KIFAP3: variants seen among roughly 807,000 people sequenced by gnomAD.
KIFAP3 encodes the protein kinesin associated protein 3.
A neutral mutation model predicts 106.5 loss-of-function variants in KIFAP3; 68 were observed. The ratio of observed to expected loss-of-function variants is 0.64; its 90% CI spans 0.53 to 0.78. The LOEUF is 0.78. Ranked by LOEUF, KIFAP3 falls within the 30% of genes least tolerant of loss-of-function variation. The pLI is 0.00. For missense variants in KIFAP3, 780 were observed against 941.8 expected, an observed-to-expected ratio of 0.83 and a Z score of 2.25; for synonymous variants, 320 against 311.5, an observed-to-expected ratio of 1.03 and a Z score of -0.29.
In KIFAP3 at chr1:170,039,304, T is replaced by C. The variant is rs1669852642; in HGVS notation, c.320-16A>G. The C allele has an allele frequency of 2.0e-6, 3 of 1,517,364 alleles. No homozygotes were observed. The highest frequency in any genetic ancestry group is 2.3e-5 in the East Asian group (1 of 44,186). The allele number at this position is 1,517,364 out of a possible 1,614,324, so 94.0% of individuals were successfully genotyped here. On this transcript the variant is annotated splice_polypyrimidine_tract_variant and intron_variant, in intron 3 of 19. Coordinates refer to ENST00000361580, the MANE Select transcript of KIFAP3 (RefSeq NM_014970.4). ...TCTTTTTTCTCTGTAAAAAGATTTT[T>C]TTTTAATAAGGAGACTTAGGTTTTT...
chr1:170,016,606 C>G lies in KIFAP3; in HGVS notation c.1039G>C (p.Glu347Gln). ...CAAGGTATCATTTTCACCAGTTTTT[C>G]AACAATATCCATTTCCACCTAAGTA... Reference protein sequence around the residue: ...KNDMVEMDIVEKLVKMIPCEH... With the variant: ...KNDMVEMDIVQKLVKMIPCEH... The change falls in exon 10 of 20, where the codon GAA becomes CAA. Residue 347 changes from glutamate (E) to glutamine (Q), a missense_variant. Transcript: ENST00000361580. 1 of 1,586,210 alleles carries G rather than the reference C, an allele frequency of 6.3e-7. No homozygotes were observed. Among genetic ancestry groups the G allele is most frequent in the Non-Finnish European group, 8.6e-7 (1 of 1,169,584 alleles).
At chr1:170,045,203 C>G (rs1158721388) in intron 3 of KIFAP3, among the ~76,000 whole-genome samples, 2 of 152,108 alleles carry the variant, frequency 1.3e-5, no homozygotes, top group Non-Finnish European at 2.9e-5. Flanking sequence ...GAAAGACTAG[C>G]CTTCCATCTT....
intron 2 of KIFAP3, among the ~76,000 whole-genome samples, chr1:170,054,161 CA>C (rs1287371056): frequency 2.0e-5 from 3 of 152,132 alleles, no homozygotes; most frequent in Non-Finnish European, 4.4e-5. Flanking sequence ...AAAAAACAAA[CA>C]ACCCCTTCAA....
chr1:169,992,305 A>G (rs1441662977), intron 10 of KIFAP3, 50 bp from the exon 11 acceptor site: 4 of 921,624 alleles, frequency 4.3e-6, no homozygotes, highest in South Asian at 3.7e-5. Context: ...TATTTTTTAT[A>G]TAGCACACTC....
intron 3 of KIFAP3, among the ~76,000 whole-genome samples, chr1:170,046,501 A>G (rs954458506): frequency 6.6e-6 from 1 of 152,216 alleles, no homozygotes; most frequent in Admixed American, 6.5e-5. Flanking sequence ...AAAGAATTAG[A>G]CCATTTTATG....
In KIFAP3 at chr1:170,001,018, T is replaced by G. The variant is rs138808690; in HGVS notation, c.1184-8763A>C. On this transcript the variant is annotated intron_variant, in intron 10 of 19. Coordinates refer to ENST00000361580, the MANE Select transcript of KIFAP3 (RefSeq NM_014970.4). The stretch of plus-strand genomic sequence containing the variant: ...GTAAGCTAAACATTGTTTTTAGAGA[T>G]AGTCACTAAATGAGTACTCTTATAT... 3.9e-5 allele frequency among the ~76,000 whole-genome samples: 6 copies of G among 152,176 alleles called. No individual in the cohort carries two copies. In the East Asian group the frequency reaches 1.2e-3, roughly 29 times the overall value.
upstream of KIFAP3, among the ~76,000 whole-genome samples, chr1:170,076,030 C>T (rs943320072): frequency 2.0e-5 from 3 of 152,136 alleles, no homozygotes; most frequent in South Asian, 2.1e-4. Context: ...CTTCACAATA[C>T]GTAAAATTGG....
At chr1:169,998,739 TAC>T (rs1667512765) in intron 10 of KIFAP3, among the ~76,000 whole-genome samples, 1 of 152,226 alleles carries the variant, frequency 6.6e-6, no homozygotes, top group African/African-American at 2.4e-5. Flanking sequence ...AGTTCTATCC[TAC>T]AGTTACAAAT....
upstream of KIFAP3, among the ~76,000 whole-genome samples, chr1:170,079,240 A>G (rs1393321858): frequency 1.3e-5 from 2 of 152,044 alleles, no homozygotes; most frequent in African/African-American, 2.4e-5. Context: ...CTTGCCTCCT[A>G]TCTTGCCATG....
rs1266829200 is a variant in KIFAP3 at position 170,039,377 on chromosome 1, G to GT, written c.320-90dup. ...TTTCAGCAGCTGAGTTTAACTCTAG[G>GT]TAAACTGGGGATATTAAAACTAAAT... On this transcript the variant is annotated intron_variant, in intron 3 of 19. Coordinates refer to ENST00000361580, the MANE Select transcript of KIFAP3 (RefSeq NM_014970.4). The GT allele has an allele frequency of 8.8e-5, 56 of 635,864 alleles. No individual in the cohort carries two copies. In the African/African-American group the frequency reaches 9.5e-4, roughly 11 times the overall value. The allele number at this position is 635,864 out of a possible 1,614,324, so 39.4% of individuals were successfully genotyped here.
chr1:169,935,222 GT>G (rs974546439), intron 19 of KIFAP3, among the ~76,000 whole-genome samples: 5 of 151,856 alleles, frequency 3.3e-5, no homozygotes, highest in Non-Finnish European at 5.9e-5. Context: ...AGCTTTATAG[GT>G]TTTTTTGTAT....
At chr1:169,994,442 T>C (rs1279783603) in intron 10 of KIFAP3, among the ~76,000 whole-genome samples, 2 of 152,200 alleles carry the variant, frequency 1.3e-5, no homozygotes. Context: ...GAATTAAACA[T>C]GTTTTAAAAA....
In KIFAP3 at chr1:169,954,118, GA is replaced by G. The variant is rs556269298; in HGVS notation, c.2174-9del. ...CAGAGGCAATTAATCCATCTAGAAA[GA>G]AAAAAAAATGGTAACCAGTAAAACA... On this transcript the variant is annotated splice_polypyrimidine_tract_variant and intron_variant, in intron 18 of 19. Coordinates refer to ENST00000361580, the MANE Select transcript of KIFAP3 (RefSeq NM_014970.4). 1.1e-4 allele frequency: 166 copies of G among 1,524,194 alleles called. No homozygotes were observed. The highest frequency in any genetic ancestry group is 1.2e-4 in the Non-Finnish European group (139 of 1,113,904). 94.4% of individuals were successfully genotyped at this position (1,524,194 alleles called of 1,614,324 possible).
intron 19 of KIFAP3, 111 bp downstream of exon 19, chr1:169,953,900 G>GT (rs35674215): frequency 0.29 from 213,851 of 748,322 alleles, 34,312 homozygotes; most frequent in East Asian, 0.51. Flanking sequence ...AAGATTGAGG[G>GT]TTTTTTCCCC....
At chr1:170,039,680 T>C (rs1669875679) in intron 3 of KIFAP3, among the ~76,000 whole-genome samples, 1 of 151,822 alleles carries the variant, frequency 6.6e-6, no homozygotes. Context: ...ACTTGAGTAA[T>C]ATAAAAACTA....
At chr1:169,991,681 A>G (rs913056548) in intron 11 of KIFAP3, among the ~76,000 whole-genome samples, 3 of 152,142 alleles carry the variant, frequency 2.0e-5, no homozygotes, top group African/African-American at 7.2e-5. Context: ...AAGCATTTAC[A>G]AATATGATAT....
chr1:169,989,990 A>T, intron 11 of KIFAP3: 1 of 1,478,328 alleles, frequency 6.8e-7, no homozygotes, highest in Non-Finnish European at 9.1e-7. Context: ...AATTACCTTC[A>T]TAAGTACGAT....
chr1:169,993,662 AGTG>A (rs1207522605), intron 10 of KIFAP3, among the ~76,000 whole-genome samples: 6 of 256 alleles, frequency 0.023, 2 homozygotes, highest in African/African-American at 0.05. Context: ...TGAGGCTTGC[AGTG>A]AGCCCAGATT....
intron 3 of KIFAP3, among the ~76,000 whole-genome samples, chr1:170,045,701 T>C (rs1670211748): frequency 1.3e-5 from 2 of 152,184 alleles, no homozygotes; most frequent in African/African-American, 4.8e-5. Flanking sequence ...CCTGAATTCT[T>C]CCCTGGCTAC....
Sources: gnomAD v4.1 joint callset for allele counts (sites outside exome capture counted in the v4.1 genomes callset) on GRCh38, gnomAD v4.1.1 for gene constraint, MANE v1.5 for transcripts, NCBI Gene and HGNC (gene_info 2026-07-23, HGNC 2026-07-21) for gene names.